PAPOLG: variants seen among roughly 807,000 people sequenced by gnomAD.
PAPOLG encodes the protein poly(A) polymerase gamma.
PAPOLG carries 40 observed loss-of-function variants against 99.0 expected under a neutral mutation model. The ratio of observed to expected loss-of-function variants is 0.40; its 90% CI spans 0.31 to 0.53. The LOEUF (loss-of-function observed/expected upper bound fraction) is 0.53, where lower values mean the gene tolerates loss of function less well. PAPOLG is among the 20% of genes least tolerant of loss of function. The pLI, the probability that PAPOLG is intolerant of heterozygous loss-of-function variation, is 0.41. For synonymous variants in PAPOLG, 310 were observed against 299.3 expected (o/e 1.04, Z -0.37); for missense variants, 675 against 884.1 (o/e 0.76, Z 3.00).
intron 13 of PAPOLG, 77 bp downstream of exon 13, chr2:60,783,286 A>G (rs938465170): frequency 1.2e-5 from 10 of 823,604 alleles, no homozygotes; most frequent in Non-Finnish European, 1.8e-5. Flanking sequence ...ACCATTTATA[A>G]AGTACTTTCT....
intron 13 of PAPOLG, among the ~76,000 whole-genome samples, chr2:60,784,740 G>T (rs181092480): frequency 2.0e-5 from 3 of 152,256 alleles, no homozygotes; most frequent in Non-Finnish European, 1.5e-5. Context: ...TTGGAACATA[G>T]CCATGTTTCT....
intron 3 of PAPOLG, 76 bp from the exon 4 acceptor site, chr2:60,768,394 G>A: frequency 6.8e-7 from 1 of 1,469,160 alleles, no homozygotes; most frequent in Non-Finnish European, 9.4e-7. Context: ...GAGCCACCAT[G>A]CCCAGCCAAC....
intron 15 of PAPOLG, among the ~76,000 whole-genome samples, chr2:60,791,183 C>T (rs992140989): frequency 6.6e-6 from 1 of 152,062 alleles, no homozygotes; most frequent in Non-Finnish European, 1.5e-5. Flanking sequence ...TGGAAAATAC[C>T]GTTTTTTAAA....
At chr2:60,780,671 G>T in intron 9 of PAPOLG, 36 bp from the exon 10 acceptor site, 1 of 1,602,428 alleles carries the variant, frequency 6.2e-7, no homozygotes, top group South Asian at 1.1e-5. Flanking sequence ...CCTGAAGTGA[G>T]ATCATGTGTA....
intron 13 of PAPOLG, among the ~76,000 whole-genome samples, chr2:60,784,062 C>T (rs919026097): frequency 1.2e-4 from 18 of 152,234 alleles, no homozygotes; most frequent in African/African-American, 4.3e-4. Flanking sequence ...CAACCTCCGC[C>T]TCCCGGGTTC....
chr2:60,789,660 A>C (rs568926518), intron 15 of PAPOLG, among the ~76,000 whole-genome samples: 3 of 152,234 alleles, frequency 2.0e-5, no homozygotes, highest in Non-Finnish European at 4.4e-5. Flanking sequence ...GAATATCTTA[A>C]TGTATCTGTT....
chr2:60,776,504 G>A (rs1302266969), intron 8 of PAPOLG, among the ~76,000 whole-genome samples: 5 of 142,050 alleles, frequency 3.5e-5, no homozygotes, highest in East Asian at 4.3e-4. Context: ...CTCAGCTCAC[G>A]GCAACCACCG....
At chr2:60,787,822 C>T (rs1339422439) in intron 15 of PAPOLG, among the ~76,000 whole-genome samples, 1 of 152,114 alleles carries the variant, frequency 6.6e-6, no homozygotes, top group Non-Finnish European at 1.5e-5. Flanking sequence ...GAGGCAGAGG[C>T]GGGCAGATTA....
chr2:60,783,324 C>A, intron 13 of PAPOLG, 115 bp downstream of exon 13: 1 of 157,946 alleles, frequency 6.3e-6, no homozygotes. Flanking sequence ...TATTATATCT[C>A]TTTTTTTTTT....
chr2:60,794,324 A>G, intron 19 of PAPOLG, 133 bp downstream of exon 19: 1 of 930,870 alleles, frequency 1.1e-6, no homozygotes, highest in East Asian at 2.7e-5. Flanking sequence ...ATCTTAAAGA[A>G]ACAATATTAA....
Position 60,799,122 on chromosome 2 carries a change from T to G in PAPOLG, c.*1962T>G, listed in dbSNP as rs1448880276. On this transcript the variant is annotated 3_prime_UTR_variant, in exon 22 of 22. Coordinates refer to ENST00000238714, the MANE Select transcript of PAPOLG (RefSeq NM_022894.4). ...ACTTTTGAAAGCTTTAGTAAGGAAT[T>G]TGATTAAATTTTATATACTGGATGT... 1 of 152,376 alleles carries G rather than the reference T, an allele frequency of 6.6e-6. No individual in the cohort carries two copies. The highest frequency in any genetic ancestry group is 1.5e-5 in the Non-Finnish European group (1 of 68,032). The allele number at this position is 152,376 out of a possible 1,614,324, so 9.4% of individuals were successfully genotyped here.
At chr2:60,778,946 A>G (rs910710183) in intron 8 of PAPOLG, among the ~76,000 whole-genome samples, 4 of 152,116 alleles carry the variant, frequency 2.6e-5, no homozygotes, top group African/African-American at 4.8e-5. Flanking sequence ...GGTCATGACA[A>G]CCATGGTGGT....
chr2:60,778,172 G>A (rs1026088244), intron 8 of PAPOLG, among the ~76,000 whole-genome samples: 3 of 151,726 alleles, frequency 2.0e-5, no homozygotes, highest in Non-Finnish European at 2.9e-5. Context: ...TTTTAGACAG[G>A]GGCTTGCTGT....
intron 18 of PAPOLG, 125 bp from the exon 19 acceptor site, chr2:60,793,846 G>A: frequency 7.0e-7 from 1 of 1,419,950 alleles, no homozygotes; most frequent in Non-Finnish European, 9.5e-7. Context: ...GGGAAGTCAA[G>A]GCTGCAGTGA....
At chr2:60,791,272 T>C (rs746657660) in intron 15 of PAPOLG, among the ~76,000 whole-genome samples, 1 of 152,046 alleles carries the variant, frequency 6.6e-6, no homozygotes, top group African/African-American at 2.4e-5. Context: ...GATTCATGGC[T>C]GGGCACGGTG....
intron 13 of PAPOLG, among the ~76,000 whole-genome samples, chr2:60,783,756 C>T (rs1050071198): frequency 3.3e-5 from 5 of 151,720 alleles, no homozygotes; most frequent in Admixed American, 1.3e-4. Context: ...TCAAGTGATC[C>T]GTAAAATTAT....
At chr2:60,780,919 G>T (rs1671169297) in intron 10 of PAPOLG, 140 bp downstream of exon 10, 3 of 687,324 alleles carry the variant, frequency 4.4e-6, no homozygotes, top group South Asian at 1.9e-5. Context: ...CTTCTGCTGT[G>T]GTTTTTGTTT....
At chr2:60,768,953 A>T in intron 5 of PAPOLG, 63 bp downstream of exon 5, 1 of 1,259,022 alleles carries the variant, frequency 7.9e-7, no homozygotes, top group Non-Finnish European at 1.1e-6. Flanking sequence ...TATAAAAACT[A>T]GGGCTTAAAA....
chr2:60,795,542 A>C (rs1178075431), intron 21 of PAPOLG, among the ~76,000 whole-genome samples: 1 of 152,064 alleles, frequency 6.6e-6, no homozygotes, highest in Non-Finnish European at 1.5e-5. Flanking sequence ...TGTAGTATTA[A>C]GTGTGGTATG....
Sources: allele counts gnomAD v4.1 joint callset (sites outside exome capture counted in the v4.1 genomes callset), GRCh38; gene constraint gnomAD v4.1.1; transcripts MANE v1.5; gene names NCBI Gene and HGNC (gene_info 2026-07-23, HGNC 2026-07-21).